The following SOX5 variants were observed in gnomAD, a reference collection of about 807,000 sequenced individuals.
The protein encoded by SOX5 is transcription factor SOX-5.
SOX5 carries 9 observed loss-of-function variants against 92.0 expected under a neutral mutation model. That is an observed-to-expected ratio of 0.10 (90% confidence interval 0.06 to 0.17). SOX5 has a LOEUF of 0.17. SOX5 is among the 10% of genes least tolerant of loss of function. The pLI, the probability that SOX5 is intolerant of heterozygous loss-of-function variation, is 1.00. For synonymous variants in SOX5, 344 were observed against 336.3 expected (o/e 1.02, Z -0.25); for missense variants, 642 against 944.5 (o/e 0.68, Z 4.20).
chr12:24,054,110 A>T (rs1174713428), intron 4 of SOX5, among the ~76,000 whole-genome samples: 1 of 152,236 alleles, frequency 6.6e-6, no homozygotes, highest in African/African-American at 2.4e-5. Context: ...AAGAACACAG[A>T]CTTCTTGACT....
chr12:24,335,987 A>ATATATATATATATATATATC lies in SOX5; in HGVS notation c.-174+32575_-174+32576insGATATATATATATATATATA, dbSNP rs1555235765. Among the ~76,000 whole-genome samples, 49 of 134,320 alleles carry ATATATATATATATATATATC rather than the reference A, an allele frequency of 3.6e-4. 3 individuals are homozygous for ATATATATATATATATATATC. The highest frequency in any genetic ancestry group is 2.2e-3 in the East Asian group (6 of 2,790). The allele number at this position is 134,320 out of a possible 152,430, so 88.1% of individuals were successfully genotyped here. On this transcript the variant is annotated intron_variant, in intron 2 of 4. Coordinates refer to the SOX5 transcript ENST00000446891. ...GAAATGCTATCATATATATATATAT[A>ATATATATATATATATATATC]TCCATAATATTAAATTTTTCTTGTT... is the stretch of plus-strand genomic sequence containing the variant.
chr12:23,617,999 G>A (rs1566394813), intron 8 of SOX5, among the ~76,000 whole-genome samples: 1 of 151,900 alleles, frequency 6.6e-6, no homozygotes, highest in Non-Finnish European at 1.5e-5. Flanking sequence ...TGACCTATTC[G>A]ATTGACCCTT....
intron 1 of SOX5, among the ~76,000 whole-genome samples, chr12:24,522,404 G>A (rs1032427304): frequency 2.6e-5 from 4 of 151,934 alleles, no homozygotes; most frequent in Non-Finnish European, 4.4e-5. Flanking sequence ...GGGAACCTTT[G>A]ATATAATTTA....
chr12:23,703,777 T>C (rs752692277), intron 6 of SOX5, among the ~76,000 whole-genome samples: 28 of 151,322 alleles, frequency 1.9e-4, no homozygotes, highest in Non-Finnish European at 3.4e-4. Flanking sequence ...GTTTGAGAAA[T>C]ACATCAAAAA....
Position 24,545,912 on chromosome 12 carries a change from C to T in SOX5, c.-251+16417G>A, listed in dbSNP as rs1461543149. ...ATCCAGTTCCAGAGCTCCCCATTGGCGAGCTGAAGCCTCAGCTGCATCACA... is the reference window on the plus strand; with the variant it reads ...ATCCAGTTCCAGAGCTCCCCATTGGTGAGCTGAAGCCTCAGCTGCATCACA... On this transcript the variant is annotated intron_variant, in intron 1 of 4. Transcript: ENST00000446891. Among the ~76,000 whole-genome samples the T allele has an allele frequency of 2.6e-5, 4 of 152,294 alleles. 1 individual carries two copies. The South Asian group carries it at 8.3e-4, about 32-fold the overall frequency.
chr12:24,473,933 C>T (rs1945079172), intron 1 of SOX5, among the ~76,000 whole-genome samples: 1 of 152,026 alleles, frequency 6.6e-6, no homozygotes, highest in African/African-American at 2.4e-5. Context: ...CAATGCTCAG[C>T]AAAACTAGAA....
At chr12:23,988,486 T>C (rs897332927) in intron 4 of SOX5, among the ~76,000 whole-genome samples, 5 of 152,154 alleles carry the variant, frequency 3.3e-5, no homozygotes, top group Non-Finnish European at 7.3e-5. Context: ...CTTCTTTGGA[T>C]CATAAGAGAT....
chr12:24,211,638 G>T (rs1958623518), intron 4 of SOX5, among the ~76,000 whole-genome samples: 1 of 152,218 alleles, frequency 6.6e-6, no homozygotes. Flanking sequence ...TATACAGAAT[G>T]ATTTGTGTTC....
intron 1 of SOX5, among the ~76,000 whole-genome samples, chr12:24,460,090 C>G (rs1179444855): frequency 1.3e-5 from 2 of 152,118 alleles, no homozygotes; most frequent in Non-Finnish European, 2.9e-5. Flanking sequence ...GTATTGATAT[C>G]AGAAAAGGGT....
At chr12:24,394,258 A>T (rs1380927458) in intron 1 of SOX5, among the ~76,000 whole-genome samples, 1 of 152,152 alleles carries the variant, frequency 6.6e-6, no homozygotes, top group Admixed American at 6.5e-5. Flanking sequence ...GGAAAAAGAA[A>T]TTCATCAAGA....
intron 1 of SOX5, among the ~76,000 whole-genome samples, chr12:24,525,815 A>G (rs1236924101): frequency 6.6e-6 from 1 of 151,904 alleles, no homozygotes; most frequent in Non-Finnish European, 1.5e-5. Context: ...AGATCGCGCC[A>G]CTGCACTCCA....
At chr12:24,140,660 G>A (rs371108411) in intron 4 of SOX5, among the ~76,000 whole-genome samples, 1 of 152,064 alleles carries the variant, frequency 6.6e-6, no homozygotes, top group Non-Finnish European at 1.5e-5. Flanking sequence ...TCAAAACAAA[G>A]ATAGAAAATT....
intron 4 of SOX5, among the ~76,000 whole-genome samples, chr12:23,973,988 G>C (rs1173225525): frequency 6.6e-6 from 1 of 152,092 alleles, no homozygotes; most frequent in African/African-American, 2.4e-5. Flanking sequence ...ACTGGTCCCT[G>C]GTGCCAAAAA....
intron 3 of SOX5, among the ~76,000 whole-genome samples, chr12:23,839,827 G>GC (rs2096489436): frequency 3.4e-4 from 17 of 49,504 alleles, no homozygotes; most frequent in Non-Finnish European, 6.8e-4. Flanking sequence ...TCTCAACTTG[G>GC]TAAAAAAAAA....
At chr12:23,752,359 G>A (rs992435696) in intron 4 of SOX5, among the ~76,000 whole-genome samples, 1 of 151,832 alleles carries the variant, frequency 6.6e-6, no homozygotes, top group Non-Finnish European at 1.5e-5. Context: ...ACACAGCTCT[G>A]CTTTTATCAA....
At chr12:24,247,677 G>A (rs1166450448) in intron 3 of SOX5, among the ~76,000 whole-genome samples, 1 of 113,568 alleles carries the variant, frequency 8.8e-6, no homozygotes, top group Non-Finnish European at 1.8e-5. Flanking sequence ...TTGAGGCGGA[G>A]TTTTGCTCTG....
At chr12:23,564,258 T>C (rs146952091) in intron 10 of SOX5, among the ~76,000 whole-genome samples, 103 of 152,336 alleles carry the variant, frequency 6.8e-4, no homozygotes, top group African/African-American at 2.4e-3. Flanking sequence ...CATTTATTTA[T>C]TTGATGCATA....
chr12:23,837,273 ATG>A (rs1199498484), intron 3 of SOX5, among the ~76,000 whole-genome samples: 37 of 64,310 alleles, frequency 5.8e-4, no homozygotes, highest in South Asian at 1.8e-3. Context: ...AATATATAAT[ATG>A]TATTTATATT....
In SOX5 at chr12:23,914,298, A is replaced by G. The variant is rs528805724; in HGVS notation, c.39-18274T>C. Among the ~76,000 whole-genome samples the G allele has an allele frequency of 4.8e-4, 73 of 152,288 alleles. 1 individual carries two copies. The highest frequency in any genetic ancestry group is 7.9e-4 in the Non-Finnish European group (54 of 68,010). Reference sequence around the variant, plus strand: ...ACATTTCCACTGTTATAAAAGTAGAACATTATACTCAATTAATATACCATG... The same window carrying G: ...ACATTTCCACTGTTATAAAAGTAGAGCATTATACTCAATTAATATACCATG... On this transcript the variant is annotated intron_variant, in intron 1 of 14. Transcript: ENST00000451604.
Sources: gnomAD v4.1 joint callset for allele counts (sites outside exome capture counted in the v4.1 genomes callset) on GRCh38, gnomAD v4.1.1 for gene constraint, MANE v1.5 for transcripts, NCBI Gene and HGNC (gene_info 2026-07-23, HGNC 2026-07-21) for gene names.